Variants in WDR33 observed in about 807,000 individuals in gnomAD.
WDR33 encodes pre-mRNA 3' end processing protein WDR33.
Under a neutral mutation model 164.9 loss-of-function variants are expected in WDR33, and 47 were observed. That is an observed-to-expected ratio of 0.29 (90% confidence interval 0.23 to 0.36). WDR33 has a LOEUF of 0.36. Among genes scored for constraint, WDR33 ranks in the 10% least tolerant of loss-of-function variants. The pLI, the probability that WDR33 is intolerant of heterozygous loss-of-function variation, is 1.00. For missense variants in WDR33, 1,137 were observed against 1,754.1 expected, an observed-to-expected ratio of 0.65 and a Z score of 6.28; for synonymous variants, 505 against 589.0, an observed-to-expected ratio of 0.86 and a Z score of 2.06.
At position 127,786,963 on chromosome 2, in the gene WDR33, T is replaced by C. The variant is rs1175515818; in HGVS notation, c.-23-15959A>G. Among the ~76,000 whole-genome samples the C allele has an allele frequency of 3.9e-4, 48 of 122,310 alleles. No homozygotes were observed. The Admixed American group carries it at 4.0e-3, about 10-fold the overall frequency. 80.2% of individuals were successfully genotyped at this position (122,310 alleles called of 152,430 possible). A position where few individuals can be genotyped will look rare whatever the true frequency, so the allele number is the denominator to read the frequency against. On this transcript the variant is annotated intron_variant, in intron 1 of 21. Coordinates refer to ENST00000322313, the MANE Select transcript of WDR33 (RefSeq NM_018383.5). Reference sequence around the variant, plus strand: ...GAGGGAAGGTCAGCAGATAAACAAGTGAACAAAGGTCTCTGGTTTTCCTAG... The same window carrying C: ...GAGGGAAGGTCAGCAGATAAACAAGCGAACAAAGGTCTCTGGTTTTCCTAG...
chr2:127,769,325 T>C (rs1687922142), intron 2 of WDR33, among the ~76,000 whole-genome samples: 1 of 151,834 alleles, frequency 6.6e-6, no homozygotes, highest in South Asian at 2.1e-4. Context: ...CTGTCTCTAC[T>C]AAAACTACAA....
At position 127,702,724 on chromosome 2, in the gene WDR33, G is replaced by T. The variant is rs546024315; in HGVS notation, c.*3599C>A. On this transcript the variant is annotated 3_prime_UTR_variant, in exon 22 of 22. Transcript: ENST00000322313. ...AAAGTACTTAAGATGGTTTATCTCGGGTTTTTTCTTCAGTTAACAAAATCA... is the reference window on the plus strand; with the variant it reads ...AAAGTACTTAAGATGGTTTATCTCGTGTTTTTTCTTCAGTTAACAAAATCA... 6.6e-5 allele frequency: 11 copies of T among 167,008 alleles called. No individual in the cohort carries two copies. In the South Asian group the frequency reaches 2.3e-3, roughly 35 times the overall value. 10.3% of individuals were successfully genotyped at this position (167,008 alleles called of 1,614,324 possible).
At chr2:127,766,345 C>T (rs770503743) in intron 4 of WDR33, among the ~76,000 whole-genome samples, 5 of 152,084 alleles carry the variant, frequency 3.3e-5, no homozygotes, top group Non-Finnish European at 5.9e-5. Context: ...TCTTAAATTA[C>T]ACAAATATAT....
At chr2:127,809,880 C>T (rs549680194) in intron 1 of WDR33, among the ~76,000 whole-genome samples, 39 of 152,060 alleles carry the variant, frequency 2.6e-4, no homozygotes, top group African/African-American at 8.9e-4. Context: ...TATCTTCTCC[C>T]GGTCAAGGAG....
rs137964462 is a variant in WDR33, at chr2:127,719,797, G to A, written c.2228C>T (p.Pro743Leu). The A allele has an allele frequency of 6.2e-7, 1 of 1,613,772 alleles. No homozygotes were observed. Among genetic ancestry groups the A allele is most frequent in the Non-Finnish European group, 8.5e-7 (1 of 1,179,994 alleles). Residue 743 changes from proline (P) to leucine (L), a missense_variant, in exon 16 of 22, where the codon CCA (proline) becomes CTA (leucine). Physicochemically the swap from Pro to Leu is moderately conservative, Grantham distance 98. Transcript: ENST00000322313. The surrounding 1 kb of genome is among the most constrained non-coding windows in gnomAD (Gnocchi z 6.5). The stretch of plus-strand genomic sequence containing the variant: ...CCCTTGCATTCCTCTGGGACCAGGT[G>A]GTCCCTGCATACCTTGAGTACCCGG... ...GPPGTQGMQG[P>L]PGPRGMQGPP...
chr2:127,720,491 TAG>T lies in WDR33; in HGVS notation c.1672-140_1672-139del. ...AAACTCTTCACGCTCCAGTGGTAAT[TAG>T]AGTCCATGCAACACTCAAGCACTGT... On this transcript the variant is annotated intron_variant, in intron 15 of 21. Transcript: ENST00000322313. This position sits in a 1 kb window ranked among gnomAD's most constrained non-coding sequence, Gnocchi z 5.9. 9.4e-7 allele frequency: 1 copy of T among 1,063,846 alleles called. No homozygotes were observed. The allele number at this position is 1,063,846 out of a possible 1,614,324, so 65.9% of individuals were successfully genotyped here. A position where few individuals can be genotyped will look rare whatever the true frequency, so the allele number is the denominator to read the frequency against.
intron 1 of WDR33, among the ~76,000 whole-genome samples, chr2:127,807,835 G>T (rs6430953): frequency 0.44 from 66,787 of 152,064 alleles, 15,867 homozygotes; most frequent in African/African-American, 0.62. Context: ...CTGGCAGCAG[G>T]GACTCATGAC....
chr2:127,779,613 A>G (rs56159227), intron 1 of WDR33, among the ~76,000 whole-genome samples: 3,654 of 152,312 alleles, frequency 0.024, 102 homozygotes, highest in Non-Finnish European at 0.032. Context: ...GAATCTGTCA[A>G]TTGAAAGCCA....
intron 1 of WDR33, among the ~76,000 whole-genome samples, chr2:127,800,151 G>A (rs527577107): frequency 1.3e-5 from 2 of 152,268 alleles, no homozygotes; most frequent in Admixed American, 6.5e-5. Flanking sequence ...TCTACGCCTA[G>A]GTAAATTCCC....
chr2:127,727,411 G>A lies in WDR33; in HGVS notation c.725-634C>T, dbSNP rs1167270674. Among the ~76,000 whole-genome samples, 3 of 152,088 alleles carry A rather than the reference G, an allele frequency of 2.0e-5. No homozygotes were observed. In the East Asian group the frequency reaches 5.8e-4, roughly 29 times the overall value. On this transcript the variant is annotated intron_variant, in intron 7 of 21. Coordinates refer to ENST00000322313, the MANE Select transcript of WDR33 (RefSeq NM_018383.5). ...TAGGCAGTGTAATGAGCACTTATAAGCATCATCTTTTTAAATCTTCACAAA... is the reference window on the plus strand; with the variant it reads ...TAGGCAGTGTAATGAGCACTTATAAACATCATCTTTTTAAATCTTCACAAA...
chr2:127,711,763 T>TAGATATAG (rs1480358329), intron 18 of WDR33, among the ~76,000 whole-genome samples: 6 of 84,662 alleles, frequency 7.1e-5, no homozygotes, highest in African/African-American at 5.6e-4. Context: ...TATATATATA[T>TAGATATAG]ATATATATAT....
rs1299284251 is a variant in WDR33 at position 127,787,414 on chromosome 2, T to C, written c.-23-16410A>G. ...GGTGGTGGCCGGGCAGAGGGGCTCC[T>C]CACTTCCCAGTAGGGGTGGCCGGGC... On this transcript the variant is annotated intron_variant, in intron 1 of 21. Transcript: ENST00000322313. 1.3e-3 allele frequency among the ~76,000 whole-genome samples: 170 copies of C among 126,518 alleles called. 1 individual carries two copies. Among genetic ancestry groups the C allele is most frequent in the Admixed American group, 3.2e-3 (44 of 13,794 alleles). 83.0% of individuals were successfully genotyped at this position (126,518 alleles called of 152,430 possible).
At chr2:127,707,917 C>A (rs1334089357) in intron 21 of WDR33, among the ~76,000 whole-genome samples, 1 of 152,176 alleles carries the variant, frequency 6.6e-6, no homozygotes, top group African/African-American at 2.4e-5. Flanking sequence ...CAAGATCACA[C>A]CACTGCACTC....
At chr2:127,784,548 A>G (rs1051778136) in intron 1 of WDR33, among the ~76,000 whole-genome samples, 2 of 152,144 alleles carry the variant, frequency 1.3e-5, no homozygotes, top group South Asian at 4.2e-4. Flanking sequence ...TCACCTGGCC[A>G]ATTTTTATAT....
intron 7 of WDR33, among the ~76,000 whole-genome samples, chr2:127,745,896 G>A (rs1384307745): frequency 1.3e-5 from 2 of 152,044 alleles, no homozygotes; most frequent in Non-Finnish European, 2.9e-5. Context: ...ATGGTGGCAA[G>A]CTCCTGTAGT....
intron 7 of WDR33, among the ~76,000 whole-genome samples, chr2:127,754,354 C>T (rs1687457473): frequency 6.6e-6 from 1 of 152,154 alleles, no homozygotes; most frequent in South Asian, 2.1e-4. Context: ...AGGTAGGTGG[C>T]AAGCTAAATG....
At chr2:127,737,348 GGTGTGTGTGTACATAT>G (rs982661695) in intron 7 of WDR33, 2 of 985,226 alleles carry the variant, frequency 2.0e-6, no homozygotes, top group African/African-American at 3.5e-5. Context: ...AGTACTCTGA[GGTGTGTGTGTACATAT>G]GTGTGTGTGT....
chr2:127,735,409 A>C lies in WDR33; in HGVS notation c.725-8632T>G. 1 of 985,850 alleles carries C rather than the reference A, an allele frequency of 1.0e-6. No homozygotes were observed. Among genetic ancestry groups the C allele is most frequent in the Non-Finnish European group, 1.2e-6 (1 of 829,896 alleles). 61.1% of individuals were successfully genotyped at this position (985,850 alleles called of 1,614,324 possible). A position where few individuals can be genotyped will look rare whatever the true frequency, so the allele number is the denominator to read the frequency against. ...ACCAATACATAATAAGTTTTATTTG[A>C]AGGTCAGAAATGGTGTCCATGTTCC... On this transcript the variant is annotated intron_variant, in intron 7 of 21. Transcript: ENST00000322313. The surrounding 1 kb of genome is among the most constrained non-coding windows in gnomAD (Gnocchi z 4.3).
At chr2:127,707,500 GCTA>G (rs571700163) in intron 21 of WDR33, among the ~76,000 whole-genome samples, 91 of 152,304 alleles carry the variant, frequency 6.0e-4, no homozygotes, top group African/African-American at 2.1e-3. Context: ...CAGAGTGTCA[GCTA>G]CTACATCATT....
Sources: gnomAD v4.1 joint callset for allele counts (sites outside exome capture counted in the v4.1 genomes callset) on GRCh38, gnomAD v4.1.1 for gene constraint, Gnocchi (gnomAD v3.1) non-coding constraint, MANE v1.5 for transcripts, NCBI Gene and HGNC (gene_info 2026-07-23, HGNC 2026-07-21) for gene names.